PHACTR1: variants seen among roughly 807,000 people sequenced by gnomAD.
PHACTR1 encodes the protein RPEL repeat containing 1.
In PHACTR1, 16 loss-of-function variants were observed where a neutral mutation model predicts 69.2. The observed-to-expected ratio is 0.23, with a 90% CI of 0.16 to 0.35. The LOEUF is 0.35. Among genes scored for constraint, PHACTR1 ranks in the 10% least tolerant of loss-of-function variants. PHACTR1 has a pLI of 1.00. For synonymous variants in PHACTR1, 312 were observed against 284.5 expected (o/e 1.10, Z -0.97); for missense variants, 510 against 734.7 (o/e 0.69, Z 3.54).
chr6:13,263,881 A>G (rs202065), intron 10 of PHACTR1, among the ~76,000 whole-genome samples: 20,681 of 152,106 alleles, frequency 0.14, 2,058 homozygotes, highest in African/African-American at 0.25. Context: ...TCAGCTTTCT[A>G]TGTTAACCAG....
intron 4 of PHACTR1, among the ~76,000 whole-genome samples, chr6:12,892,315 G>A (rs765030162): frequency 2.6e-5 from 4 of 152,214 alleles, no homozygotes; most frequent in Admixed American, 6.5e-5. Context: ...ATCATACAAT[G>A]CATTTAGTGA....
chr6:12,829,566 G>A (rs1034405985), intron 4 of PHACTR1, among the ~76,000 whole-genome samples: 2 of 152,160 alleles, frequency 1.3e-5, no homozygotes, highest in African/African-American at 2.4e-5. Context: ...AGTAGAAAGA[G>A]TTTAGTAGTT....
At chr6:12,781,253 C>A (rs1463630331) in intron 4 of PHACTR1, among the ~76,000 whole-genome samples, 2 of 152,168 alleles carry the variant, frequency 1.3e-5, no homozygotes, top group Admixed American at 1.3e-4. Flanking sequence ...TGGGATGATT[C>A]TGGCTTCACT....
intron 4 of PHACTR1, among the ~76,000 whole-genome samples, chr6:12,878,535 C>A (rs1782767952): frequency 6.6e-6 from 1 of 152,192 alleles, no homozygotes; most frequent in African/African-American, 2.4e-5. Context: ...TCTCAGGGAG[C>A]TTATCATCTT....
At chr6:13,213,737 G>T (rs369368898) in intron 8 of PHACTR1, among the ~76,000 whole-genome samples, 1 of 152,192 alleles carries the variant, frequency 6.6e-6, no homozygotes, top group Admixed American at 6.5e-5. Context: ...TGAGCGTGCC[G>T]CGTTTCTCCC....
chr6:13,221,720 A>T (rs1180123206), intron 8 of PHACTR1, among the ~76,000 whole-genome samples: 1 of 152,208 alleles, frequency 6.6e-6, no homozygotes, highest in African/African-American at 2.4e-5. Flanking sequence ...AACTTCCATC[A>T]TCATCTGTAA....
intron 4 of PHACTR1, among the ~76,000 whole-genome samples, chr6:12,943,430 G>A (rs745919081): frequency 1.3e-5 from 2 of 152,184 alleles, no homozygotes; most frequent in Admixed American, 6.5e-5. Flanking sequence ...ATAGCACTAC[G>A]TAGTGTCGAT....
chr6:12,837,797 G>A (rs1172306472), intron 4 of PHACTR1, among the ~76,000 whole-genome samples: 4 of 152,252 alleles, frequency 2.6e-5, no homozygotes, highest in African/African-American at 7.2e-5. Flanking sequence ...GTGACTGACA[G>A]TAATAGGTAT....
chr6:12,984,673 A>G (rs966478752), intron 4 of PHACTR1, among the ~76,000 whole-genome samples: 2 of 152,228 alleles, frequency 1.3e-5, no homozygotes, highest in African/African-American at 4.8e-5. Flanking sequence ...TACACCTTTC[A>G]TTTATAGGAT....
At chr6:13,278,652 C>G (rs980427142) in intron 12 of PHACTR1, among the ~76,000 whole-genome samples, 3 of 152,146 alleles carry the variant, frequency 2.0e-5, no homozygotes, top group Non-Finnish European at 4.4e-5. Context: ...ATGGGAAATT[C>G]ATAATCAAAA....
intron 10 of PHACTR1, among the ~76,000 whole-genome samples, chr6:13,247,462 C>T (rs1191219244): frequency 2.6e-5 from 4 of 151,994 alleles, no homozygotes; most frequent in Non-Finnish European, 5.9e-5. Flanking sequence ...TCTCCTACCT[C>T]AGCCTCCCAA....
intron 4 of PHACTR1, among the ~76,000 whole-genome samples, chr6:12,764,164 C>A (rs2127615390): frequency 6.6e-6 from 1 of 152,332 alleles, no homozygotes; most frequent in East Asian, 1.9e-4. Context: ...TGCCAAGACT[C>A]ATCATTCAGA....
intron 5 of PHACTR1, among the ~76,000 whole-genome samples, chr6:13,066,600 A>T (rs1479497417): frequency 6.6e-6 from 1 of 152,176 alleles, no homozygotes; most frequent in African/African-American, 2.4e-5. Flanking sequence ...TGGCTTAAAA[A>T]CAGCAACCTC....
In PHACTR1 at chr6:12,868,028, G is replaced by A. The variant is rs1431737015; in HGVS notation, c.250+118238G>A. On this transcript the variant is annotated intron_variant, in intron 4 of 14. Transcript: ENST00000332995. ...TAATCTCAGCACTTTGGGAGGCCAA[G>A]GCGGGCAGATCACGAGGTCAGGAGA... 4.6e-5 allele frequency among the ~76,000 whole-genome samples: 7 copies of A among 152,288 alleles called. 1 individual carries two copies. The highest frequency in any genetic ancestry group is 1.7e-4 in the African/African-American group (7 of 41,558).
At position 12,778,861 on chromosome 6, in the gene PHACTR1, A is replaced by G. The variant is rs1013409082; in HGVS notation, c.250+29071A>G. Among the ~76,000 whole-genome samples the G allele has an allele frequency of 4.6e-5, 7 of 152,310 alleles. No individual in the cohort carries two copies. In the East Asian group the frequency reaches 9.6e-4, roughly 21 times the overall value. On this transcript the variant is annotated intron_variant, in intron 4 of 14. Transcript: ENST00000332995. ...TATTACACGGTCACTACTAACCTAC[A>G]TTGTGCCTTTGTGCAAATTAGAAAA...
Position 13,283,529 on chromosome 6 carries a change from T to C in PHACTR1, c.1617T>C (p.Asp539=). 1 of 1,613,848 alleles carries C rather than the reference T, an allele frequency of 6.2e-7. No homozygotes were observed. The highest frequency in any genetic ancestry group is 1.1e-5 in the South Asian group (1 of 91,076). The change falls in exon 13 of 15, where the codon GAT becomes GAC. Residue 539 remains aspartate, a synonymous_variant. Coordinates refer to ENST00000332995, the MANE Select transcript of PHACTR1 (RefSeq NM_030948.6). This position sits in a 1 kb window ranked among gnomAD's most constrained non-coding sequence, Gnocchi z 4.7. ...ADAQDYDRRA[D]KPWTRLTAAD... is the part of the protein sequence containing the mutation. ...CTCAGGACTATGACCGCAGGGCAGA[T>C]AAGCCGTGGACCCGCCTCACCGCTG... is the stretch of plus-strand genomic sequence containing the variant.
chr6:13,235,028 A>AG (rs1340194915), intron 10 of PHACTR1, among the ~76,000 whole-genome samples: 1 of 152,238 alleles, frequency 6.6e-6, no homozygotes, highest in East Asian at 1.9e-4. Flanking sequence ...GTATCACTGC[A>AG]GTAGTACCTG....
intron 4 of PHACTR1, among the ~76,000 whole-genome samples, chr6:12,961,919 T>C (rs974523451): frequency 3.3e-5 from 5 of 152,020 alleles, no homozygotes; most frequent in Non-Finnish European, 5.9e-5. Flanking sequence ...TCTCCTTCTC[T>C]TTTTTTGTTG....
chr6:12,943,950 T>G (rs1790319892), intron 4 of PHACTR1, among the ~76,000 whole-genome samples: 2 of 152,354 alleles, frequency 1.3e-5, no homozygotes, highest in African/African-American at 4.8e-5. Context: ...AGAAAAATAA[T>G]GGACAAAAGA....
Sources: gnomAD v4.1 joint callset for allele counts (sites outside exome capture counted in the v4.1 genomes callset) on GRCh38, gnomAD v4.1.1 for gene constraint, Gnocchi (gnomAD v3.1) non-coding constraint, MANE v1.5 for transcripts, NCBI Gene and HGNC (gene_info 2026-07-23, HGNC 2026-07-21) for gene names.